RPS6KA2: variants seen among roughly 807,000 people sequenced by gnomAD.
RPS6KA2 encodes ribosomal protein S6 kinase alpha-2.
RPS6KA2 carries 42 observed loss-of-function variants against 91.8 expected under a neutral mutation model. The observed-to-expected ratio is 0.46, with a 90% CI of 0.36 to 0.59. The LOEUF is 0.59. Ranked by LOEUF, RPS6KA2 falls within the 20% of genes least tolerant of loss-of-function variation. RPS6KA2 has a pLI of 0.00. For synonymous variants in RPS6KA2, 414 were observed against 393.6 expected (o/e 1.05, Z -0.61); for missense variants, 798 against 978.5 (o/e 0.82, Z 2.46).
chr6:166,680,971 G>A (rs978454186), intron 2 of RPS6KA2, among the ~76,000 whole-genome samples: 5 of 152,222 alleles, frequency 3.3e-5, no homozygotes, highest in African/African-American at 1.2e-4. Context: ...TGAGGGACCT[G>A]TTTGGCGTAT....
chr6:166,816,773 A>G (rs114106699), intron 2 of RPS6KA2, among the ~76,000 whole-genome samples: 2,127 of 152,314 alleles, frequency 0.014, 53 homozygotes, highest in African/African-American at 0.048. Flanking sequence ...TCAACTGGTC[A>G]GGTTGGAAAC....
Position 166,423,173 on chromosome 6 carries a change from T to C in RPS6KA2, c.1743+83A>G. ...CTCAAGCCGCCTCTGACATCCCCGCTGTCCGGTGGCTCTGCAGTGGGAGGG... is the reference window on the plus strand; with the variant it reads ...CTCAAGCCGCCTCTGACATCCCCGCCGTCCGGTGGCTCTGCAGTGGGAGGG... On this transcript the variant is annotated intron_variant, in intron 17 of 20. Coordinates refer to ENST00000265678, the MANE Select transcript of RPS6KA2 (RefSeq NM_021135.6). The surrounding 1 kb of genome is among the most constrained non-coding windows in gnomAD (Gnocchi z 4.8). The C allele has an allele frequency of 7.0e-7, 1 of 1,429,144 alleles. No homozygotes were observed. Among genetic ancestry groups the C allele is most frequent in the Non-Finnish European group, 9.5e-7 (1 of 1,056,592 alleles). 88.5% of individuals were successfully genotyped at this position (1,429,144 alleles called of 1,614,324 possible).
chr6:166,684,788 T>G (rs1199531806), intron 2 of RPS6KA2, among the ~76,000 whole-genome samples: 1 of 152,238 alleles, frequency 6.6e-6, no homozygotes, highest in Admixed American at 6.5e-5. Context: ...TTTATCACCC[T>G]TCCCCCTGAA....
At chr6:166,564,003 T>G (rs1053913281) in intron 1 of RPS6KA2, among the ~76,000 whole-genome samples, 1 of 152,206 alleles carries the variant, frequency 6.6e-6, no homozygotes, top group African/African-American at 2.4e-5. Context: ...GTTTCAGCAC[T>G]GCGGTTCCTT....
chr6:166,825,822 G>A lies in RPS6KA2; in HGVS notation c.123+32378C>T, dbSNP rs1445349402. Among the ~76,000 whole-genome samples, 3 of 152,156 alleles carry A rather than the reference G, an allele frequency of 2.0e-5. No individual in the cohort carries two copies. The highest frequency in any genetic ancestry group is 7.2e-5 in the African/African-American group (3 of 41,428). ...CACCTCCCAATACCATCACCTTGAGGGTTAGGATTTCAACACGAATTCTGG... is the reference window on the plus strand; with the variant it reads ...CACCTCCCAATACCATCACCTTGAGAGTTAGGATTTCAACACGAATTCTGG... On this transcript the variant is annotated intron_variant, in intron 2 of 21. Transcript: ENST00000503859. This position sits in a 1 kb window ranked among gnomAD's most constrained non-coding sequence, Gnocchi z 4.1.
At chr6:166,593,453 A>C (rs527775763) in intron 1 of RPS6KA2, among the ~76,000 whole-genome samples, 2 of 152,240 alleles carry the variant, frequency 1.3e-5, no homozygotes, top group African/African-American at 4.8e-5. Flanking sequence ...TATTGTGATC[A>C]AGTGTTAACA....
intron 5 of RPS6KA2, among the ~76,000 whole-genome samples, chr6:166,505,321 C>T (rs1782165777): frequency 6.6e-6 from 1 of 152,144 alleles, no homozygotes; most frequent in Non-Finnish European, 1.5e-5. Context: ...GTCCCGGGGG[C>T]TCACTCAGGC....
At chr6:166,828,872 TAAC>T (rs1431010306) in intron 2 of RPS6KA2, among the ~76,000 whole-genome samples, 1 of 152,028 alleles carries the variant, frequency 6.6e-6, no homozygotes, top group Non-Finnish European at 1.5e-5. Flanking sequence ...AAGACACAAT[TAAC>T]AAGATGAAAC....
At chr6:166,704,598 C>A (rs927419695) in intron 2 of RPS6KA2, among the ~76,000 whole-genome samples, 1 of 152,232 alleles carries the variant, frequency 6.6e-6, no homozygotes, top group African/African-American at 2.4e-5. Flanking sequence ...GGATGCCCAT[C>A]GGCCCCAGGT....
chr6:166,549,996 T>C (rs945374087), intron 1 of RPS6KA2, among the ~76,000 whole-genome samples: 1 of 152,168 alleles, frequency 6.6e-6, no homozygotes, highest in African/African-American at 2.4e-5. Context: ...TTAAGTCTAT[T>C]TGCCAATATT....
intron 14 of RPS6KA2, among the ~76,000 whole-genome samples, chr6:166,438,775 A>T (rs1779425240): frequency 6.6e-6 from 1 of 152,256 alleles, no homozygotes; most frequent in South Asian, 2.1e-4. Flanking sequence ...TTAATTTCAG[A>T]TTCCGGAGAT....
Position 166,435,678 on chromosome 6 carries a change from C to T in RPS6KA2, c.1333-3188G>A, listed in dbSNP as rs1031456110. 7.2e-5 allele frequency among the ~76,000 whole-genome samples: 11 copies of T among 152,258 alleles called. No homozygotes were observed. Among genetic ancestry groups the T allele is most frequent in the Non-Finnish European group, 1.2e-4 (8 of 68,046 alleles). ...GTTTCTCACCACAGGGTAGAGCCAG[C>T]GGTCTTTCAGCAAACATCTGGTTTG... On this transcript the variant is annotated intron_variant, in intron 14 of 20. Coordinates refer to ENST00000265678, the MANE Select transcript of RPS6KA2 (RefSeq NM_021135.6). The surrounding 1 kb of genome is among the most constrained non-coding windows in gnomAD (Gnocchi z 4.3).
chr6:166,578,634 A>G (rs967010471), intron 1 of RPS6KA2, among the ~76,000 whole-genome samples: 15 of 152,234 alleles, frequency 9.9e-5, no homozygotes, highest in Non-Finnish European at 1.0e-4. Context: ...AATCCTGGCC[A>G]GCATGCTCCA....
At chr6:166,496,934 G>A (rs532997413) in intron 8 of RPS6KA2, among the ~76,000 whole-genome samples, 11 of 152,326 alleles carry the variant, frequency 7.2e-5, no homozygotes, top group Admixed American at 4.6e-4. Context: ...CTGCACCAGC[G>A]TGGGAGGTCT....
chr6:166,699,364 A>G (rs1211101522), intron 2 of RPS6KA2, among the ~76,000 whole-genome samples: 5 of 152,110 alleles, frequency 3.3e-5, no homozygotes, highest in Non-Finnish European at 7.4e-5. Flanking sequence ...CAAAGGTAAA[A>G]GGGCATTTTT....
intron 2 of RPS6KA2, among the ~76,000 whole-genome samples, chr6:166,795,101 A>G (rs1365224882): frequency 6.6e-6 from 1 of 152,186 alleles, no homozygotes; most frequent in African/African-American, 2.4e-5. Flanking sequence ...CTCATTTTCT[A>G]CATTGTAATA....
intron 3 of RPS6KA2, among the ~76,000 whole-genome samples, chr6:166,522,548 G>A (rs887526189): frequency 2.2e-4 from 34 of 152,212 alleles, no homozygotes; most frequent in African/African-American, 4.8e-4. Context: ...ACACACTTTC[G>A]CCTGAGACTT....
rs1045334778 is a variant in RPS6KA2, at chr6:166,778,123, A to G, written c.123+80077T>C. On this transcript the variant is annotated intron_variant, in intron 2 of 21. Transcript: ENST00000503859. ...ATTTTAAAGACACAGAAGCAAAGAC[A>G]AGCCCTGGCAGGGAGATATCGGTGC... 9.2e-5 allele frequency among the ~76,000 whole-genome samples: 14 copies of G among 152,364 alleles called. No homozygotes were observed. The East Asian group carries it at 2.7e-3, about 29-fold the overall frequency.
chr6:166,834,157 CG>C, intron 2 of RPS6KA2, among the ~76,000 whole-genome samples: 1 of 152,178 alleles, frequency 6.6e-6, no homozygotes, highest in East Asian at 1.9e-4. Context: ...CCACCAACAA[CG>C]GAAGAGAGTT....
Sources: allele counts gnomAD v4.1 joint callset (sites outside exome capture counted in the v4.1 genomes callset), GRCh38; gene constraint gnomAD v4.1.1; non-coding constraint Gnocchi (gnomAD v3.1); transcripts MANE v1.5; gene names NCBI Gene and HGNC (gene_info 2026-07-23, HGNC 2026-07-21).